The following NEB variants were observed in gnomAD, a reference collection of about 807,000 sequenced individuals.
NEB encodes nebulin, also known as nemaline myopathy type 2.
A neutral mutation model predicts 952.2 loss-of-function variants in NEB; 512 were observed. The observed-to-expected ratio is 0.54, with a 90% CI of 0.50 to 0.58. NEB has a LOEUF of 0.58. NEB is among the 20% of genes least tolerant of loss of function. The pLI is 0.00. For synonymous variants in NEB, 2,900 were observed against 3,149.8 expected, an observed-to-expected ratio of 0.92 and a Z score of 2.66; for missense variants, 8,428 against 9,231.1, an observed-to-expected ratio of 0.91 and a Z score of 3.56.
At position 151,619,482 on chromosome 2, in the gene NEB, T is replaced by C; in HGVS notation, c.10841A>G (p.His3614Arg). The C allele has an allele frequency of 1.2e-6, 2 of 1,611,574 alleles. No homozygotes were observed. The highest frequency in any genetic ancestry group is 1.7e-6 in the Non-Finnish European group (2 of 1,177,958). Residue 3614 changes from histidine (H) to arginine (R), a missense_variant, in exon 73 of 182, where the codon CAT becomes CGT. Physicochemically the swap from His to Arg is conservative, Grantham distance 29. Around this residue, in one of 11 missense-constraint regions of NEB, gnomAD observed 1,772 missense variants for 1,960.3 expected, o/e 0.90. Transcript: ENST00000397345. ...CTGGAGGTCATAGGCTTTCCGTGCA[T>C]GAATGATGTCATTCTGGTCGGGCAG... ...ICLPDQNDII[H>R]ARKAYDLQSD...
chr2:151,491,975 C>CT, intron 178 of NEB, 123 bp downstream of exon 178: 1 of 1,136,262 alleles, frequency 8.8e-7, no homozygotes, highest in East Asian at 2.4e-5. Flanking sequence ...TAGGAGCTTT[C>CT]TTGCACCTCT....
At chr2:151,540,035 C>T (rs1027164264) in intron 138 of NEB, among the ~76,000 whole-genome samples, 1 of 152,132 alleles carries the variant, frequency 6.6e-6, no homozygotes, top group Non-Finnish European at 1.5e-5. Context: ...TGGCTGACTG[C>T]AAGACCATAA....
rs769646337 is a variant in NEB at position 151,650,797 on chromosome 2, A to T, written c.7004T>A (p.Met2335Lys). 4 of 1,613,886 alleles carry T rather than the reference A, an allele frequency of 2.5e-6. No individual in the cohort carries two copies. The East Asian group carries it at 8.9e-5, about 36-fold the overall frequency. The change falls in exon 53 of 182, where the codon ATG becomes AAG. Residue 2335 changes from methionine (M) to lysine (K), a missense_variant. Met to Lys is a moderately conservative substitution (Grantham distance 95). Around this residue, in one of 11 missense-constraint regions of NEB, gnomAD observed 1,772 missense variants for 1,960.3 expected, o/e 0.90. Transcript: ENST00000397345. ...LQDDPKLVLS[M>K]NVAKMQSERE... ...TTCACTCTGCATTTTGGCTACATTC[A>T]TGGACAACACAAGTTTTGGGTCATC...
At position 151,692,187 on chromosome 2, in the gene NEB, A is replaced by C. The variant is rs199909877; in HGVS notation, c.1999-21T>G. The stretch of plus-strand genomic sequence containing the variant: ...CTAGCCTGAAAAATAAAACAAATGT[A>C]ATTCAAGTTAACAATCATTTGTCAA... On this transcript the variant is annotated intron_variant, in intron 21 of 181. Transcript: ENST00000397345. 2.5e-5 allele frequency: 41 copies of C among 1,609,906 alleles called. No individual in the cohort carries two copies. In the East Asian group the frequency reaches 8.2e-4, roughly 32 times the overall value.
intron 46 of NEB, 107 bp downstream of exon 46, chr2:151,662,028 C>T: frequency 1.1e-6 from 1 of 877,234 alleles, no homozygotes; most frequent in Non-Finnish European, 1.7e-6. Flanking sequence ...AAAATAACCT[C>T]AAGTGTGATG....
At chr2:151,571,714 T>C (rs2096634316) in intron 107 of NEB, among the ~76,000 whole-genome samples, 1 of 152,242 alleles carries the variant, frequency 6.6e-6, no homozygotes, top group Non-Finnish European at 1.5e-5. Context: ...TAAATATATG[T>C]TCATATTTTA....
At position 151,662,307 on chromosome 2, in the gene NEB, T is replaced by C; in HGVS notation, c.5798A>G (p.Lys1933Arg). 3 of 1,613,520 alleles carry C rather than the reference T, an allele frequency of 1.9e-6. No homozygotes were observed. Among genetic ancestry groups the C allele is most frequent in the Non-Finnish European group, 2.5e-6 (3 of 1,179,588 alleles). Reference sequence around the variant, plus strand: ...GCCCAGAGGGAGCCATCCAATGCCCTTCATGAAGTCAGCATAGTCAGCCTT... The same window carrying C: ...GCCCAGAGGGAGCCATCCAATGCCCCTCATGAAGTCAGCATAGTCAGCCTT... ...QYKADYADFM[K>R]GIGWLPLGSL... The change falls in exon 46 of 182, where the codon AAG (lysine) becomes AGG (arginine). Residue 1933 changes from lysine (K) to arginine (R), a missense_variant. By Grantham distance (26) the Lys-to-Arg change is conservative (BLOSUM62 2). This residue lies in a region of NEB where 2,851 missense variants were observed against 2,791.5 expected (regional missense o/e 1.02). Transcript: ENST00000397345.
At chr2:151,525,835 T>G in intron 150 of NEB, 123 bp downstream of exon 150, 1 of 803,736 alleles carries the variant, frequency 1.2e-6, no homozygotes, top group Non-Finnish European at 2.2e-6. Context: ...AAGATTCACA[T>G]GTAGATATTG....
intron 153 of NEB, among the ~76,000 whole-genome samples, chr2:151,522,776 C>G (rs910100591): frequency 1.8e-4 from 27 of 152,196 alleles, no homozygotes; most frequent in African/African-American, 5.3e-4. Flanking sequence ...GATGCCTCAT[C>G]ATAGGGGTGT....
intron 167 of NEB, 111 bp from the exon 168 acceptor site, chr2:151,501,594 A>AAGTACCTCAGT (rs1333714970): frequency 1.1e-5 from 6 of 522,236 alleles, no homozygotes; most frequent in Non-Finnish European, 2.0e-5. Flanking sequence ...TTTTATGATG[A>AAGTACCTCAGT]AGTACCTCAG....
chr2:151,621,577 A>C (rs2098417185), intron 71 of NEB, among the ~76,000 whole-genome samples: 1 of 152,238 alleles, frequency 6.6e-6, no homozygotes, highest in Non-Finnish European at 1.5e-5. Flanking sequence ...CCAAAGATTT[A>C]GGAGTCAAAA....
In NEB at chr2:151,516,441, G is replaced by A; in HGVS notation, c.22905+18C>T. 6.6e-7 allele frequency: 1 copy of A among 1,526,518 alleles called. No homozygotes were observed. The highest frequency in any genetic ancestry group is 1.1e-5 in the South Asian group (1 of 88,362). 94.6% of individuals were successfully genotyped at this position (1,526,518 alleles called of 1,614,324 possible). A position where few individuals can be genotyped will look rare whatever the true frequency, so the allele number is the denominator to read the frequency against. ...GTGTGATGGATCATTGTTGTGTGGT[G>A]TGGTTTTTTTGACTTACCCCACTCT... On this transcript the variant is annotated intron_variant, in intron 157 of 181. Transcript: ENST00000397345.
chr2:151,496,428 G>A (rs901821350), intron 172 of NEB, 60 bp from the exon 173 acceptor site: 5 of 1,536,410 alleles, frequency 3.3e-6, no homozygotes, highest in Non-Finnish European at 4.4e-6. Context: ...TTGTTGAGAG[G>A]TTTTAAGGGT....
intron 29 of NEB, among the ~76,000 whole-genome samples, chr2:151,682,324 TGA>T (rs1380234834): frequency 1.3e-5 from 2 of 152,204 alleles, no homozygotes; most frequent in Admixed American, 6.5e-5. Context: ...ACACTTAATG[TGA>T]GTTACTTTTA....
At chr2:151,682,997 A>G (rs2099435778) in intron 28 of NEB, among the ~76,000 whole-genome samples, 2 of 152,082 alleles carry the variant, frequency 1.3e-5, no homozygotes, top group Admixed American at 6.5e-5. Context: ...TTCCAACTTA[A>G]TGGAAGTCTG....
chr2:151,546,587 T>C, intron 133 of NEB, 144 bp from the exon 134 acceptor site: 2 of 570,324 alleles, frequency 3.5e-6, no homozygotes, highest in Non-Finnish European at 3.1e-6. Flanking sequence ...AGACAGAGTT[T>C]CATTCTTGTT....
intron 161 of NEB, among the ~76,000 whole-genome samples, chr2:151,509,127 TA>T (rs1559371156): frequency 6.6e-6 from 1 of 152,194 alleles, no homozygotes; most frequent in Non-Finnish European, 1.5e-5. Context: ...ATTACATTTA[TA>T]AGTATTGAAA....
chr2:151,721,437 G>C (rs2099773743), intron 9 of NEB, among the ~76,000 whole-genome samples: 1 of 151,990 alleles, frequency 6.6e-6, no homozygotes, highest in Non-Finnish European at 1.5e-5. Context: ...CATTTTACCT[G>C]TGTCCCCTTG....
chr2:151,528,032 C>T (rs905579116), intron 146 of NEB, among the ~76,000 whole-genome samples: 2 of 152,074 alleles, frequency 1.3e-5, no homozygotes, highest in African/African-American at 4.8e-5. Flanking sequence ...ATTAATTCAC[C>T]TAATCTTCAT....
Sources: allele counts gnomAD v4.1 joint callset (sites outside exome capture counted in the v4.1 genomes callset), GRCh38; gene constraint gnomAD v4.1.1; regional missense constraint gnomAD v4.1.1; transcripts MANE v1.5; gene names NCBI Gene and HGNC (gene_info 2026-07-23, HGNC 2026-07-21).